The following EHBP1 variants were observed in gnomAD, a reference collection of about 807,000 sequenced individuals.
EHBP1 encodes EH domain binding protein 1.
In EHBP1, 55 loss-of-function variants were observed where a neutral mutation model predicts 144.0. The ratio of observed to expected loss-of-function variants is 0.38; its 90% confidence interval spans 0.31 to 0.48. EHBP1 has a LOEUF of 0.48. Among genes scored for constraint, EHBP1 ranks in the 20% least tolerant of loss-of-function variants. The pLI is 0.98. For synonymous variants in EHBP1, 469 were observed against 472.7 expected, an observed-to-expected ratio of 0.99 and a Z score of 0.10; for missense variants, 1,200 against 1,364.2, an observed-to-expected ratio of 0.88 and a Z score of 1.90.
chr2:62,688,908 C>A (rs527561222), intron 1 of EHBP1, among the ~76,000 whole-genome samples: 1 of 152,222 alleles, frequency 6.6e-6, no homozygotes, highest in South Asian at 2.1e-4. Context: ...GGACTACATG[C>A]AAGTTTTGGA....
chr2:62,923,312 G>A (rs1443555446), intron 10 of EHBP1, among the ~76,000 whole-genome samples: 1 of 152,180 alleles, frequency 6.6e-6, no homozygotes, highest in Non-Finnish European at 1.5e-5. Context: ...TGCCCAGGGT[G>A]AACCTACCCA....
Position 62,979,123 on chromosome 2 carries a change from T to C in EHBP1, c.2461-65T>C, listed in dbSNP as rs1034375042. ...TGTAAACCAGTTACTATCATGATGA[T>C]CAGATTGAAAATGAAATTGCATTTC... On this transcript the variant is annotated intron_variant, in intron 14 of 22. Transcript: ENST00000431489. The C allele has an allele frequency of 3.5e-5, 53 of 1,521,274 alleles. No homozygotes were observed. In the East Asian group the frequency reaches 1.0e-3, roughly 30 times the overall value. The allele number at this position is 1,521,274 out of a possible 1,614,324, so 94.2% of individuals were successfully genotyped here.
At chr2:62,934,957 C>T (rs2056264436) in intron 10 of EHBP1, among the ~76,000 whole-genome samples, 1 of 152,008 alleles carries the variant, frequency 6.6e-6, no homozygotes, top group Non-Finnish European at 1.5e-5. Context: ...TTAGTTAACC[C>T]TTTCTGTTGG....
chr2:62,724,330 A>G (rs1295860445), intron 2 of EHBP1, among the ~76,000 whole-genome samples: 1 of 152,214 alleles, frequency 6.6e-6, no homozygotes, highest in African/African-American at 2.4e-5. Context: ...CAGATTGGTT[A>G]CATTCTTTTC....
chr2:62,735,008 G>A (rs989540416), intron 2 of EHBP1, among the ~76,000 whole-genome samples: 8 of 152,004 alleles, frequency 5.3e-5, no homozygotes, highest in Non-Finnish European at 2.9e-5. Flanking sequence ...TCAAGCAGTC[G>A]TCCCACCTCA....
chr2:62,713,364 C>T (rs2035345281), intron 2 of EHBP1, among the ~76,000 whole-genome samples: 1 of 151,652 alleles, frequency 6.6e-6, no homozygotes, highest in Non-Finnish European at 1.5e-5. Flanking sequence ...GCCTCAGCCT[C>T]CTAAGTAGCT....
intron 10 of EHBP1, among the ~76,000 whole-genome samples, chr2:62,888,487 T>A (rs1201516816): frequency 3.3e-5 from 5 of 152,248 alleles, no homozygotes; most frequent in Non-Finnish European, 7.3e-5. Flanking sequence ...GTGAAGTAAC[T>A]GAATTAAAGT....
intron 10 of EHBP1, among the ~76,000 whole-genome samples, chr2:62,915,886 A>G (rs1023503927): frequency 6.6e-6 from 1 of 152,206 alleles, no homozygotes; most frequent in Non-Finnish European, 1.5e-5. Flanking sequence ...ACACATTTGC[A>G]TAATCATTTA....
intron 7 of EHBP1, among the ~76,000 whole-genome samples, chr2:62,831,793 TA>T (rs1463564450): frequency 1.3e-5 from 2 of 152,228 alleles, no homozygotes; most frequent in Non-Finnish European, 2.9e-5. Flanking sequence ...TCCTTTTAGT[TA>T]AATTAATTGC....
chr2:62,854,500 T>A (rs1447116076), intron 7 of EHBP1, among the ~76,000 whole-genome samples: 1 of 152,212 alleles, frequency 6.6e-6, no homozygotes, highest in Non-Finnish European at 1.5e-5. Context: ...ATTTGAACAC[T>A]TAGTGGCCTT....
chr2:62,689,003 T>G (rs1030830780), intron 1 of EHBP1, among the ~76,000 whole-genome samples: 1 of 152,240 alleles, frequency 6.6e-6, no homozygotes, highest in Non-Finnish European at 1.5e-5. Flanking sequence ...TAAGAATGTG[T>G]GCATCCCATT....
chr2:62,899,534 G>T (rs2053227126), intron 10 of EHBP1, among the ~76,000 whole-genome samples: 1 of 152,156 alleles, frequency 6.6e-6, no homozygotes, highest in African/African-American at 2.4e-5. Context: ...TTTAGGTGTG[G>T]ACTTGGAGAC....
chr2:62,969,074 T>C (rs1250101813), intron 14 of EHBP1, among the ~76,000 whole-genome samples: 1 of 117,752 alleles, frequency 8.5e-6, no homozygotes, highest in Non-Finnish European at 1.9e-5. Context: ...AAAAGAGGAA[T>C]TAAATTATCA....
chr2:62,899,511 CT>C (rs1271728918), intron 10 of EHBP1, among the ~76,000 whole-genome samples: 1 of 152,212 alleles, frequency 6.6e-6, no homozygotes, highest in African/African-American at 2.4e-5. Context: ...AGCATACACT[CT>C]TGCCAGAAAT....
At position 62,675,827 on chromosome 2, in the gene EHBP1, ACTGCAGCCTCCACCTC is replaced by A. The variant is rs529771432; in HGVS notation, c.-296+1748_-296+1763del. Reference sequence around the variant, plus strand: ...GAGTGCTGTGGTGCAATCTTGGTTTACTGCAGCCTCCACCTCCTGGCCTCAAGCGGTCCTCCCACTT... The same window carrying A: ...GAGTGCTGTGGTGCAATCTTGGTTTACTGGCCTCAAGCGGTCCTCCCACTT... On this transcript the variant is annotated intron_variant, in intron 1 of 22. Transcript: ENST00000405015. Among the ~76,000 whole-genome samples the A allele has an allele frequency of 4.5e-4, 69 of 152,260 alleles. No homozygotes were observed. In the South Asian group the frequency reaches 8.5e-3, roughly 19 times the overall value.
intron 10 of EHBP1, among the ~76,000 whole-genome samples, chr2:62,931,593 C>G (rs914476591): frequency 1.3e-5 from 2 of 152,124 alleles, no homozygotes; most frequent in African/African-American, 4.8e-5. Flanking sequence ...GTTTCAGTTG[C>G]CCATAGTCAA....
rs373660175 is a variant in EHBP1 at position 62,932,729 on chromosome 2, G to A, written c.1186-9989G>A. 7.9e-5 allele frequency among the ~76,000 whole-genome samples: 12 copies of A among 152,158 alleles called. No homozygotes were observed. In the South Asian group the frequency reaches 1.0e-3, roughly 13 times the overall value. On this transcript the variant is annotated intron_variant, in intron 10 of 22. Transcript: ENST00000431489. Reference sequence around the variant, plus strand: ...AGCACTTTGGGAGGCCGAGGAGGGCGGATCACTTGAGATCAGGAGTTTGAG... The same window carrying A: ...AGCACTTTGGGAGGCCGAGGAGGGCAGATCACTTGAGATCAGGAGTTTGAG...
intron 15 of EHBP1, among the ~76,000 whole-genome samples, chr2:62,981,808 G>A (rs1045564211): frequency 6.6e-6 from 1 of 152,190 alleles, no homozygotes; most frequent in African/African-American, 2.4e-5. Flanking sequence ...GGAAAGCCAG[G>A]TGAAATGAAG....
At chr2:62,866,887 C>T (rs1483749433) in intron 9 of EHBP1, among the ~76,000 whole-genome samples, 1 of 151,922 alleles carries the variant, frequency 6.6e-6, no homozygotes, top group Non-Finnish European at 1.5e-5. Flanking sequence ...AAATGAAACT[C>T]AAGCACAAGA....
Sources: gnomAD v4.1 joint callset for allele counts (sites outside exome capture counted in the v4.1 genomes callset) on GRCh38, gnomAD v4.1.1 for gene constraint, MANE v1.5 for transcripts, NCBI Gene and HGNC (gene_info 2026-07-23, HGNC 2026-07-21) for gene names.